B4GALT1: variants seen among roughly 807,000 people sequenced by gnomAD.
B4GALT1 encodes the protein beta-1,4-galactosyltransferase 1, also known as N-acetyllactosamine synthase.
A neutral mutation model predicts 34.9 loss-of-function variants in B4GALT1; 16 were observed. The ratio of observed to expected loss-of-function variants is 0.46; its 90% CI spans 0.31 to 0.70. The LOEUF (loss-of-function observed/expected upper bound fraction) is 0.70, where lower values mean the gene tolerates loss of function less well. Among genes scored for constraint, B4GALT1 ranks in the 30% least tolerant of loss-of-function variants. The pLI, the probability that B4GALT1 is intolerant of heterozygous loss-of-function variation, is 0.05. For synonymous variants in B4GALT1, 221 were observed against 218.1 expected (o/e 1.01, Z -0.12); for missense variants, 445 against 530.5 (o/e 0.84, Z 1.58).
At chr9:33,168,342 G>C (rs970193836), upstream of B4GALT1, among the ~76,000 whole-genome samples, 1 of 152,238 alleles carries the variant, frequency 6.6e-6, no homozygotes, top group African/African-American at 2.4e-5. Flanking sequence ...TTGACCCAGA[G>C]GCCTCAGGCC....
chr9:33,151,169 C>T (rs1840512258), intron 1 of B4GALT1, among the ~76,000 whole-genome samples: 1 of 152,204 alleles, frequency 6.6e-6, no homozygotes, highest in South Asian at 2.1e-4. Context: ...CACTTCCCTG[C>T]TCTGACTGCT....
intron 1 of B4GALT1, among the ~76,000 whole-genome samples, chr9:33,142,475 G>A (rs997996368): frequency 3.9e-5 from 6 of 152,068 alleles, no homozygotes; most frequent in Non-Finnish European, 7.4e-5. Flanking sequence ...CAGAAAACAG[G>A]AATAGTCTAT....
At chr9:33,146,102 C>T (rs1463558413) in intron 1 of B4GALT1, among the ~76,000 whole-genome samples, 1 of 152,164 alleles carries the variant, frequency 6.6e-6, no homozygotes, top group Non-Finnish European at 1.5e-5. Flanking sequence ...GGGTCACAAG[C>T]TTTTAAAGCC....
intron 1 of B4GALT1, among the ~76,000 whole-genome samples, chr9:33,152,371 A>AACAT (rs71738839): frequency 0.15 from 10,040 of 68,620 alleles, 551 homozygotes; most frequent in South Asian, 0.19. Context: ...TAACATAACA[A>AACAT]CTTCTACATA....
At chr9:33,165,994 G>A (rs532108715) in intron 1 of B4GALT1, among the ~76,000 whole-genome samples, 1 of 152,256 alleles carries the variant, frequency 6.6e-6, no homozygotes, top group Non-Finnish European at 1.5e-5. Context: ...CTAACACCCA[G>A]AGTACACAAG....
Position 33,167,007 on chromosome 9 carries a change from C to T in B4GALT1, c.163G>A (p.Gly55Arg), listed in dbSNP as rs1285005053. The change falls in exon 1 of 6, where the codon GGA becomes AGA. Residue 55 changes from glycine to arginine, a missense_variant. Physicochemically the swap from Gly to Arg is moderately radical, Grantham distance 125 (BLOSUM62 -2). This residue lies in a region of B4GALT1 where 349 missense variants were observed against 395.5 expected (regional missense o/e 0.88). Coordinates refer to ENST00000379731, the MANE Select transcript of B4GALT1 (RefSeq NM_001497.4). Reference protein sequence around the residue: ...RDLSRLPQLVGVSTPLQGGSN... With the variant: ...RDLSRLPQLVRVSTPLQGGSN... ...CCGCCCTGCAGCGGTGTGGAGACTC[C>T]GACCAGTTGGGGCAGGCGGCTCAGG... is the stretch of plus-strand genomic sequence containing the variant. 4 of 1,596,578 alleles carry T rather than the reference C, an allele frequency of 2.5e-6. No homozygotes were observed. The highest frequency in any genetic ancestry group is 1.7e-4 in the Middle Eastern group (1 of 6,044).
chr9:33,181,953 CTTTTCTTTCTTTTTTT>C, the B4GALT1 span, among the ~76,000 whole-genome samples: 1 of 89,002 alleles, frequency 1.1e-5, no homozygotes, highest in African/African-American at 4.4e-5. Context: ...TCTTCTTTTT[CTTTTCTTTCTTTTTTT>C]TTTTTTTTAG....
intron 1 of B4GALT1, among the ~76,000 whole-genome samples, chr9:33,147,236 C>T (rs552497445): frequency 6.8e-6 from 1 of 146,458 alleles, no homozygotes; most frequent in Admixed American, 6.9e-5. Flanking sequence ...AAGAGGAAGA[C>T]AAGTCATTCT....
At chr9:33,113,654 C>T (rs1262745654) in intron 5 of B4GALT1, 68 bp from the exon 6 acceptor site, 1 of 1,610,442 alleles carries the variant, frequency 6.2e-7, no homozygotes, top group African/African-American at 1.3e-5. Context: ...ATCACACGTA[C>T]TTCCTCCTCC....
chr9:33,155,687 A>C (rs1294823828), intron 1 of B4GALT1, among the ~76,000 whole-genome samples: 1 of 152,176 alleles, frequency 6.6e-6, no homozygotes, highest in Non-Finnish European at 1.5e-5. Flanking sequence ...TCAGAGCCTC[A>C]CGCCTCTTCC....
At chr9:33,161,003 T>A (rs1036864684) in intron 1 of B4GALT1, among the ~76,000 whole-genome samples, 2 of 149,448 alleles carry the variant, frequency 1.3e-5, no homozygotes, top group Non-Finnish European at 3.0e-5. Context: ...ATCCCCAACA[T>A]CTCTGTGAGG....
At chr9:33,161,112 A>G (rs1288823567) in intron 1 of B4GALT1, among the ~76,000 whole-genome samples, 2 of 152,144 alleles carry the variant, frequency 1.3e-5, no homozygotes, top group East Asian at 1.9e-4. Flanking sequence ...AAGCAGCTAC[A>G]TAACACACCC....
At chr9:33,155,645 G>A (rs920913140) in intron 1 of B4GALT1, among the ~76,000 whole-genome samples, 21 of 152,130 alleles carry the variant, frequency 1.4e-4, no homozygotes, top group African/African-American at 5.1e-4. Context: ...TGGGGTACTC[G>A]CTTTGGGCTA....
intron 2 of B4GALT1, among the ~76,000 whole-genome samples, chr9:33,121,137 G>A (rs1840015091): frequency 6.6e-6 from 1 of 152,140 alleles, no homozygotes; most frequent in Non-Finnish European, 1.5e-5. Context: ...CACATTGTGT[G>A]CCTTCCATCT....
Position 33,135,250 on chromosome 9 carries a change from T to C in B4GALT1, c.587A>G (p.Tyr196Cys), listed in dbSNP as rs376012123. 6.2e-7 allele frequency: 1 copy of C among 1,614,134 alleles called. No individual in the cohort carries two copies. The change falls in exon 2 of 6, where the codon TAT (tyrosine) becomes TGT (cysteine). Residue 196 changes from tyrosine to cysteine, a missense_variant. Physicochemically the swap from Tyr to Cys is radical, Grantham distance 194. Around this residue, in one of 3 missense-constraint regions of B4GALT1, gnomAD observed 349 missense variants for 395.5 expected, o/e 0.88. Coordinates refer to ENST00000379731, the MANE Select transcript of B4GALT1 (RefSeq NM_001497.4). ...GCGCTGCAGGACTGGGTGCAAATAA[T>C]ATAGCCAGTACTTGAGGTGCTCCTG... ...NRQEHLKYWL[Y>C]YLHPVLQRQQ...
At chr9:33,130,098 C>G (rs1840172114) in intron 2 of B4GALT1, among the ~76,000 whole-genome samples, 2 of 152,168 alleles carry the variant, frequency 1.3e-5, no homozygotes, top group South Asian at 4.1e-4. Context: ...TTGGAGAGAC[C>G]AGTTCTGTGT....
chr9:33,122,050 A>C (rs1840028303), intron 2 of B4GALT1, among the ~76,000 whole-genome samples: 1 of 152,118 alleles, frequency 6.6e-6, no homozygotes. Context: ...CACCAACATG[A>C]GGAAACGAAC....
chr9:33,180,795 G>A, the B4GALT1 span, among the ~76,000 whole-genome samples: 1 of 152,122 alleles, frequency 6.6e-6, no homozygotes, highest in African/African-American at 2.4e-5. Context: ...TGGGAGCTAG[G>A]GCATTGAGCC....
intron 1 of B4GALT1, among the ~76,000 whole-genome samples, chr9:33,160,734 C>G (rs1439140559): frequency 6.6e-6 from 1 of 151,860 alleles, no homozygotes; most frequent in East Asian, 1.9e-4. Context: ...GCACTCCAGC[C>G]TGGGTGACAG....
Sources: gnomAD v4.1 joint callset for allele counts (sites outside exome capture counted in the v4.1 genomes callset) on GRCh38, gnomAD v4.1.1 for gene constraint, gnomAD v4.1.1 regional missense constraint, MANE v1.5 for transcripts, NCBI Gene and HGNC (gene_info 2026-07-23, HGNC 2026-07-21) for gene names.